OIP5: variants seen among roughly 807,000 people sequenced by gnomAD.
The protein encoded by OIP5 is protein Mis18-beta.
A neutral mutation model predicts 20.3 loss-of-function variants in OIP5; 24 were observed. That is an observed-to-expected ratio of 1.18 (90% CI 0.86 to 1.66). The LOEUF (loss-of-function observed/expected upper bound fraction) is 1.66, where lower values mean the gene tolerates loss of function less well. Among genes scored for constraint, OIP5 ranks in the 40% most tolerant of loss-of-function variants. The pLI, the probability that OIP5 is intolerant of heterozygous loss-of-function variation, is 0.00. For synonymous variants in OIP5, 143 were observed against 121.3 expected (o/e 1.18, Z -1.17); for missense variants, 339 against 289.5 (o/e 1.17, Z -1.24).
intron 4 of OIP5, among the ~76,000 whole-genome samples, chr15:41,312,375 G>A (rs1012839232): frequency 1.3e-5 from 2 of 151,400 alleles, no homozygotes; most frequent in Admixed American, 6.6e-5. Context: ...TGGTCAGGCT[G>A]GTCTCGAACT....
intron 2 of OIP5, among the ~76,000 whole-genome samples, chr15:41,330,691 C>T (rs1010009174): frequency 6.6e-6 from 1 of 152,194 alleles, no homozygotes; most frequent in African/African-American, 2.4e-5. Flanking sequence ...GTGTGAGCCA[C>T]CACGCCCGGC....
At chr15:41,324,282 A>G (rs1349099131) in intron 2 of OIP5, among the ~76,000 whole-genome samples, 3 of 152,092 alleles carry the variant, frequency 2.0e-5, no homozygotes, top group Non-Finnish European at 4.4e-5. Context: ...GGCGTGAGCC[A>G]TTGCACCGAG....
At chr15:41,323,390 A>G (rs773178929) in intron 2 of OIP5, among the ~76,000 whole-genome samples, 2 of 152,218 alleles carry the variant, frequency 1.3e-5, no homozygotes, top group Admixed American at 6.5e-5. Context: ...CATCAGAGGA[A>G]TAACTATCTA....
intron 4 of OIP5, among the ~76,000 whole-genome samples, chr15:41,311,624 A>G (rs2047754816): frequency 6.6e-6 from 1 of 152,142 alleles, no homozygotes; most frequent in South Asian, 2.1e-4. Context: ...CTAGAATGCA[A>G]TGGCGTGATC....
intron 3 of OIP5, among the ~76,000 whole-genome samples, chr15:41,317,032 T>C (rs530807546): frequency 1.3e-5 from 2 of 152,284 alleles, no homozygotes; most frequent in South Asian, 4.1e-4. Context: ...TTTCAGTTTC[T>C]TGTAATAAGT....
chr15:41,317,138 A>G (rs1356668508), intron 3 of OIP5, among the ~76,000 whole-genome samples: 2 of 152,160 alleles, frequency 1.3e-5, no homozygotes, highest in African/African-American at 4.8e-5. Flanking sequence ...AGTTTTTCTG[A>G]CACTATGAGG....
chr15:41,321,787 G>A (rs1461732006), intron 2 of OIP5, among the ~76,000 whole-genome samples: 2 of 151,050 alleles, frequency 1.3e-5, no homozygotes, highest in East Asian at 1.9e-4. Context: ...CAAACACTGC[G>A]GAAGGCCGCA....
At chr15:41,331,538 G>C (rs1355165119) in intron 2 of OIP5, among the ~76,000 whole-genome samples, 1 of 152,198 alleles carries the variant, frequency 6.6e-6, no homozygotes, top group Non-Finnish European at 1.5e-5. Flanking sequence ...TGAGCTATGA[G>C]CGCACCAGTG....
intron 2 of OIP5, among the ~76,000 whole-genome samples, chr15:41,320,855 C>T (rs1216534870): frequency 4.0e-5 from 6 of 151,688 alleles, no homozygotes; most frequent in South Asian, 2.1e-4. Flanking sequence ...TCTTCCCGGC[C>T]GCCATCCCAT....
At chr15:41,320,369 A>C (rs1317080696) in intron 2 of OIP5, among the ~76,000 whole-genome samples, 1 of 147,750 alleles carries the variant, frequency 6.8e-6, no homozygotes, top group Non-Finnish European at 1.5e-5. Context: ...GCTCACTGCA[A>C]CCTCCCTGCC....
intron 3 of OIP5, among the ~76,000 whole-genome samples, chr15:41,318,534 G>C (rs2047802730): frequency 6.6e-6 from 1 of 152,002 alleles, no homozygotes; most frequent in Non-Finnish European, 1.5e-5. Flanking sequence ...AGATTCAAGT[G>C]ATCCTCCTGC....
At chr15:41,328,277 CA>C (rs940737719) in intron 2 of OIP5, among the ~76,000 whole-genome samples, 1 of 152,116 alleles carries the variant, frequency 6.6e-6, no homozygotes, top group Non-Finnish European at 1.5e-5. Flanking sequence ...CCTTGGCCTC[CA>C]AAAGTGTTGG....
intron 4 of OIP5, among the ~76,000 whole-genome samples, chr15:41,311,853 A>C (rs1018661993): frequency 9.8e-6 from 1 of 102,556 alleles, no homozygotes; most frequent in Non-Finnish European, 2.6e-5. Context: ...GGTGTGAGCC[A>C]CCGCACCCAG....
intron 2 of OIP5, among the ~76,000 whole-genome samples, chr15:41,320,861 C>T (rs1389776719): frequency 2.0e-5 from 3 of 151,702 alleles, no homozygotes; most frequent in Non-Finnish European, 4.4e-5. Flanking sequence ...CGGCCGCCAT[C>T]CCATCTAGGA....
chr15:41,329,669 G>GT (rs997962894), intron 2 of OIP5, among the ~76,000 whole-genome samples: 2 of 151,284 alleles, frequency 1.3e-5, no homozygotes, highest in African/African-American at 2.4e-5. Flanking sequence ...GGAATATAAT[G>GT]TGAGTCACAT....
intron 4 of OIP5, among the ~76,000 whole-genome samples, chr15:41,310,743 T>C (rs1027797314): frequency 1.3e-5 from 2 of 152,230 alleles, no homozygotes; most frequent in Admixed American, 6.5e-5. Context: ...CAGTGCTTTG[T>C]GGAGACAGGC....
intron 2 of OIP5, among the ~76,000 whole-genome samples, chr15:41,329,363 TG>T (rs2047882895): frequency 6.7e-6 from 1 of 148,276 alleles, no homozygotes; most frequent in East Asian, 2.1e-4. Flanking sequence ...TCGTCCAGGC[TG>T]GAGTGTAGTG....
At chr15:41,315,535 T>C (rs1027994160) in intron 3 of OIP5, among the ~76,000 whole-genome samples, 2 of 152,140 alleles carry the variant, frequency 1.3e-5, no homozygotes, top group African/African-American at 4.8e-5. Flanking sequence ...TCAATAGATG[T>C]AATGACTGTA....
At chr15:41,313,770 A>G (rs993209975) in intron 3 of OIP5, among the ~76,000 whole-genome samples, 9 of 152,190 alleles carry the variant, frequency 5.9e-5, no homozygotes, top group African/African-American at 1.9e-4. Context: ...GATATCCAAA[A>G]GTAATATGCA....
Sources: gnomAD v4.1 joint callset for allele counts (sites outside exome capture counted in the v4.1 genomes callset) on GRCh38, gnomAD v4.1.1 for gene constraint, MANE v1.5 for transcripts, NCBI Gene and HGNC (gene_info 2026-07-23, HGNC 2026-07-21) for gene names.